The following FGF12 variants were observed in gnomAD, a reference collection of about 807,000 sequenced individuals.
FGF12 encodes fibroblast growth factor 12.
A neutral mutation model predicts 23.6 loss-of-function variants in FGF12; 14 were observed. The observed-to-expected ratio is 0.59, with a 90% CI of 0.39 to 0.93. The LOEUF is 0.93. Among genes scored for constraint, FGF12 ranks in the 40% least tolerant of loss-of-function variants. The pLI, the probability that FGF12 is intolerant of heterozygous loss-of-function variation, is 0.00. For synonymous variants in FGF12, 62 were observed against 77.3 expected (o/e 0.80, Z 1.04); for missense variants, 175 against 217.8 (o/e 0.80, Z 1.24).
intron 2 of FGF12, among the ~76,000 whole-genome samples, chr3:192,645,381 G>A (rs1261140561): frequency 6.6e-6 from 1 of 152,118 alleles, no homozygotes; most frequent in Admixed American, 6.5e-5. Context: ...TTAATCAACT[G>A]GACCTTATGA....
At chr3:192,349,818 G>C (rs572131366) in intron 3 of FGF12, among the ~76,000 whole-genome samples, 3 of 152,098 alleles carry the variant, frequency 2.0e-5, no homozygotes, top group African/African-American at 7.2e-5. Flanking sequence ...AATTTTTCAA[G>C]CTGGGCATTG....
chr3:192,476,442 C>T (rs926427220), intron 2 of FGF12, among the ~76,000 whole-genome samples: 4 of 152,158 alleles, frequency 2.6e-5, no homozygotes, highest in African/African-American at 9.7e-5. Context: ...ATGAATTACT[C>T]ATCATTTTAC....
chr3:192,422,360 A>G (rs887278508), intron 2 of FGF12, among the ~76,000 whole-genome samples: 3 of 152,154 alleles, frequency 2.0e-5, no homozygotes, highest in African/African-American at 7.2e-5. Flanking sequence ...CTATGACTCT[A>G]AATATAGTGC....
chr3:192,648,121 C>G (rs1006678050), intron 2 of FGF12, among the ~76,000 whole-genome samples: 36 of 152,102 alleles, frequency 2.4e-4, no homozygotes, highest in African/African-American at 7.2e-4. Flanking sequence ...TTCAAATCTT[C>G]TGACATCAAG....
At chr3:192,712,280 CA>C (rs1302860163) in intron 2 of FGF12, among the ~76,000 whole-genome samples, 1 of 148,802 alleles carries the variant, frequency 6.7e-6, no homozygotes, top group African/African-American at 2.5e-5. Context: ...ACAACAATAA[CA>C]AAAAAAAGAG....
chr3:192,488,997 C>T (rs79844209), intron 2 of FGF12, among the ~76,000 whole-genome samples: 9,438 of 152,010 alleles, frequency 0.062, 1,010 homozygotes, highest in African/African-American at 0.22. Flanking sequence ...TGATAGGATG[C>T]TTTAATTTAT....
At chr3:192,465,495 T>C (rs1722984022) in intron 2 of FGF12, among the ~76,000 whole-genome samples, 1 of 152,206 alleles carries the variant, frequency 6.6e-6, no homozygotes, top group Admixed American at 6.5e-5. Flanking sequence ...GAACTGAGGC[T>C]GCTGTCTCTA....
chr3:192,154,686 T>C (rs1332605302), intron 5 of FGF12, among the ~76,000 whole-genome samples: 1 of 141,962 alleles, frequency 7.0e-6, no homozygotes, highest in Non-Finnish European at 1.5e-5. Flanking sequence ...GATCTCCAGC[T>C]GCGTGCTGGG....
At chr3:192,643,490 C>T (rs1202916280) in intron 2 of FGF12, among the ~76,000 whole-genome samples, 1 of 152,178 alleles carries the variant, frequency 6.6e-6, no homozygotes, top group Non-Finnish European at 1.5e-5. Flanking sequence ...CTCTCTCCTT[C>T]ATGCAAATTA....
intron 2 of FGF12, among the ~76,000 whole-genome samples, chr3:192,375,604 C>T (rs187315051): frequency 2.6e-5 from 4 of 152,030 alleles, no homozygotes; most frequent in East Asian, 3.9e-4. Flanking sequence ...AGATTTTTTT[C>T]GTTTATTATG....
At chr3:192,585,773 G>A (rs985035456) in intron 2 of FGF12, among the ~76,000 whole-genome samples, 3 of 152,146 alleles carry the variant, frequency 2.0e-5, no homozygotes, top group African/African-American at 7.2e-5. Context: ...TTGAATGGAG[G>A]TGGGGAAGGG....
intron 2 of FGF12, among the ~76,000 whole-genome samples, chr3:192,643,115 T>C (rs184482882): frequency 1.6e-4 from 25 of 152,308 alleles, no homozygotes; most frequent in Non-Finnish European, 3.2e-4. Flanking sequence ...TAAAAATAAT[T>C]CAGACTTGGA....
intron 2 of FGF12, among the ~76,000 whole-genome samples, chr3:192,396,704 A>T (rs1576946808): frequency 6.6e-6 from 1 of 152,242 alleles, no homozygotes; most frequent in African/African-American, 2.4e-5. Context: ...TGCAAGATAT[A>T]TAATGGCCTG....
At chr3:192,543,411 TC>T (rs1162956883) in intron 2 of FGF12, among the ~76,000 whole-genome samples, 1 of 151,956 alleles carries the variant, frequency 6.6e-6, no homozygotes, top group East Asian at 1.9e-4. Flanking sequence ...GACAATGGGA[TC>T]CCCTCTGGTT....
chr3:192,421,635 A>G (rs1472114532), intron 2 of FGF12, among the ~76,000 whole-genome samples: 1 of 152,110 alleles, frequency 6.6e-6, no homozygotes, highest in Non-Finnish European at 1.5e-5. Flanking sequence ...AAACATGGAC[A>G]TAGAGAGGGG....
chr3:192,727,436 G>T, intron 1 of FGF12, 48 bp downstream of exon 1: 1 of 1,065,832 alleles, frequency 9.4e-7, no homozygotes, highest in Non-Finnish European at 1.3e-6. Context: ...ATCTGATACT[G>T]AAATGCATGC....
intron 2 of FGF12, among the ~76,000 whole-genome samples, chr3:192,583,105 C>T (rs1713229176): frequency 1.3e-5 from 2 of 152,196 alleles, no homozygotes; most frequent in South Asian, 4.1e-4. Context: ...TTCATTTCTC[C>T]AGTTTCCAAA....
intron 2 of FGF12, among the ~76,000 whole-genome samples, chr3:192,633,886 G>C (rs1715486658): frequency 6.6e-6 from 1 of 152,032 alleles, no homozygotes; most frequent in Admixed American, 6.6e-5. Flanking sequence ...GTTAAACCAA[G>C]GTGAATTAGA....
chr3:192,657,281 AT>A (rs748253849), intron 2 of FGF12, among the ~76,000 whole-genome samples: 1 of 152,172 alleles, frequency 6.6e-6, no homozygotes, highest in Non-Finnish European at 1.5e-5. Context: ...ATTAGAGCAA[AT>A]GAAATATTCA....
Sources: allele counts gnomAD v4.1 joint callset (sites outside exome capture counted in the v4.1 genomes callset), GRCh38; gene constraint gnomAD v4.1.1; transcripts MANE v1.5; gene names NCBI Gene and HGNC (gene_info 2026-07-23, HGNC 2026-07-21).